Variants in CADPS2 observed in about 807,000 individuals in gnomAD.
The protein encoded by CADPS2 is calcium-dependent secretion activator 2.
Under a neutral mutation model 172.5 loss-of-function variants are expected in CADPS2, and 93 were observed. The observed-to-expected ratio is 0.54, with a 90% CI of 0.46 to 0.64. The LOEUF is 0.64. Ranked by LOEUF, CADPS2 falls within the 30% of genes least tolerant of loss-of-function variation. The pLI, the probability that CADPS2 is intolerant of heterozygous loss-of-function variation, is 0.00. For missense variants in CADPS2, 1,420 were observed against 1,565.9 expected, an observed-to-expected ratio of 0.91 and a Z score of 1.57; for synonymous variants, 546 against 555.2, an observed-to-expected ratio of 0.98 and a Z score of 0.23.
At chr7:122,884,313 G>A (rs570741032) in intron 1 of CADPS2, among the ~76,000 whole-genome samples, 32 of 152,108 alleles carry the variant, frequency 2.1e-4, no homozygotes, top group Non-Finnish European at 4.1e-4. Context: ...TTGAGAAGAG[G>A]CCACGGGTGA....
At chr7:122,458,665 A>G (rs1280194371) in intron 14 of CADPS2, among the ~76,000 whole-genome samples, 1 of 152,188 alleles carries the variant, frequency 6.6e-6, no homozygotes, top group African/African-American at 2.4e-5. Flanking sequence ...GGTGAAAGCA[A>G]TCATCTGACT....
intron 2 of CADPS2, among the ~76,000 whole-genome samples, chr7:122,686,845 C>T (rs143931943): frequency 1.8e-3 from 278 of 152,108 alleles, no homozygotes; most frequent in African/African-American, 5.8e-3. Context: ...TCACTACGCC[C>T]GGCTAACTTT....
chr7:122,696,149 G>A lies in CADPS2; in HGVS notation c.454-32580C>T, dbSNP rs151273422. On this transcript the variant is annotated intron_variant, in intron 2 of 29. Transcript: ENST00000449022. ...GAAACATTAACAGTGGCCAAAGAAT[G>A]ACAATTTATCCTGATTAGGTGGGCA... 5.0e-4 allele frequency among the ~76,000 whole-genome samples: 76 copies of A among 152,266 alleles called. 2 individuals carry two copies. In the East Asian group the frequency reaches 0.014, roughly 28 times the overall value.
At chr7:122,720,666 C>A (rs895696171) in intron 2 of CADPS2, among the ~76,000 whole-genome samples, 3 of 151,372 alleles carry the variant, frequency 2.0e-5, no homozygotes, top group African/African-American at 4.9e-5. Flanking sequence ...AGAGCCCGTG[C>A]GAAACTTTGG....
intron 1 of CADPS2, among the ~76,000 whole-genome samples, chr7:122,866,045 C>T (rs1818231357): frequency 2.0e-5 from 3 of 152,154 alleles, no homozygotes; most frequent in Admixed American, 1.3e-4. Flanking sequence ...AGAATTTCTT[C>T]TGGGAATGTG....
At chr7:122,633,071 T>C (rs987953784) in intron 3 of CADPS2, among the ~76,000 whole-genome samples, 27 of 152,092 alleles carry the variant, frequency 1.8e-4, no homozygotes, top group African/African-American at 6.0e-4. Context: ...GTGTTTGTAC[T>C]AGTACGATGC....
At chr7:122,604,435 C>T (rs1049459940) in intron 6 of CADPS2, among the ~76,000 whole-genome samples, 1 of 152,128 alleles carries the variant, frequency 6.6e-6, no homozygotes, top group Non-Finnish European at 1.5e-5. Flanking sequence ...GCACCAGCAG[C>T]ACTGAGGGTG....
intron 5 of CADPS2, 22 bp from the exon 6 acceptor site, chr7:122,615,321 A>C (rs1365236457): frequency 1.4e-6 from 2 of 1,414,810 alleles, no homozygotes; most frequent in African/African-American, 2.8e-5. Context: ...ATGATTTTAA[A>C]ATAATGCATC....
At chr7:122,407,747 C>T (rs2046823457) in intron 19 of CADPS2, 51 bp from the exon 20 acceptor site, 1 of 1,485,598 alleles carries the variant, frequency 6.7e-7, no homozygotes. Flanking sequence ...TTTTTAGAAA[C>T]ATGCACAAGT....
Position 122,566,163 on chromosome 7 carries a change from T to C in CADPS2, c.1336-11474A>G, listed in dbSNP as rs556860041. Among the ~76,000 whole-genome samples, 23 of 152,228 alleles carry C rather than the reference T, an allele frequency of 1.5e-4. No individual in the cohort carries two copies. The South Asian group carries it at 3.1e-3, about 21-fold the overall frequency. On this transcript the variant is annotated intron_variant, in intron 7 of 29. Transcript: ENST00000449022. ...GCATATATGAAAGAAATGCTCAACATCGCTAATCATCAGGGAAACGCAAAT... is the reference window on the plus strand; with the variant it reads ...GCATATATGAAAGAAATGCTCAACACCGCTAATCATCAGGGAAACGCAAAT...
chr7:122,800,263 A>G (rs1348955447), intron 1 of CADPS2, among the ~76,000 whole-genome samples: 1 of 152,240 alleles, frequency 6.6e-6, no homozygotes, highest in Non-Finnish European at 1.5e-5. Flanking sequence ...TATATGTAGA[A>G]TCATACTGGA....
intron 2 of CADPS2, among the ~76,000 whole-genome samples, chr7:122,727,489 G>C (rs995324589): frequency 1.3e-5 from 2 of 151,506 alleles, no homozygotes; most frequent in African/African-American, 4.8e-5. Context: ...ACAAGCAGAA[G>C]AAAAGAGAAT....
rs537748301 is a variant in CADPS2, at chr7:122,670,884, A to T, written c.454-7315T>A. Among the ~76,000 whole-genome samples, 755 of 151,770 alleles carry T rather than the reference A, an allele frequency of 5.0e-3. 5 individuals carry two copies. Among genetic ancestry groups the T allele is most frequent in the African/African-American group, 0.017 (710 of 41,406 alleles). ...AACCCTGTTTCAAAAAAAAAAAAAA[A>T]AAGTCCCAAACTTCTTCTCTGGCCT... is the stretch of plus-strand genomic sequence containing the variant. On this transcript the variant is annotated intron_variant, in intron 2 of 29. Transcript: ENST00000449022.
intron 2 of CADPS2, among the ~76,000 whole-genome samples, chr7:122,678,461 C>T (rs28635203): frequency 0.063 from 9,539 of 152,222 alleles, 399 homozygotes; most frequent in African/African-American, 0.1. Context: ...TCAAATTAAT[C>T]TCTCAAAGGC....
intron 17 of CADPS2, among the ~76,000 whole-genome samples, chr7:122,416,420 A>T (rs950758065): frequency 2.0e-5 from 3 of 152,246 alleles, no homozygotes; most frequent in African/African-American, 7.2e-5. Context: ...TAGATGCTCA[A>T]CTTCTGCAAC....
At chr7:122,355,383 C>T (rs576199142) in intron 27 of CADPS2, among the ~76,000 whole-genome samples, 1 of 152,140 alleles carries the variant, frequency 6.6e-6, no homozygotes, top group South Asian at 2.1e-4. Flanking sequence ...GAGTTTCAGA[C>T]AGCCTGGCCA....
At chr7:122,321,647 C>T (rs1197507449) in intron 29 of CADPS2, among the ~76,000 whole-genome samples, 1 of 152,076 alleles carries the variant, frequency 6.6e-6, no homozygotes, top group African/African-American at 2.4e-5. Context: ...TGCCACCATG[C>T]CCAGCTAATT....
At chr7:122,622,214 ACT>A (rs985784287) in intron 4 of CADPS2, among the ~76,000 whole-genome samples, 9 of 152,108 alleles carry the variant, frequency 5.9e-5, no homozygotes, top group African/African-American at 1.9e-4. Context: ...GGCATTAAAA[ACT>A]CACATTATTG....
At chr7:122,502,973 C>T (rs2059328894) in intron 9 of CADPS2, among the ~76,000 whole-genome samples, 1 of 150,584 alleles carries the variant, frequency 6.6e-6, no homozygotes, top group South Asian at 2.1e-4. Context: ...ACACTTATTT[C>T]ATAAGAATAT....
Sources: allele counts gnomAD v4.1 joint callset (sites outside exome capture counted in the v4.1 genomes callset), GRCh38; gene constraint gnomAD v4.1.1; transcripts MANE v1.5; gene names NCBI Gene and HGNC (gene_info 2026-07-23, HGNC 2026-07-21).